CPPED1: variants seen among roughly 807,000 people sequenced by gnomAD.
The protein encoded by CPPED1 is serine/threonine-protein phosphatase CPPED1.
A neutral mutation model predicts 28.0 loss-of-function variants in CPPED1; 28 were observed. The observed-to-expected ratio is 1.00, with a 90% CI of 0.74 to 1.37. CPPED1 has a LOEUF of 1.37. CPPED1 is among the 40% of genes most tolerant of loss of function. CPPED1 has a pLI of 0.00. For synonymous variants in CPPED1, 198 were observed against 180.2 expected (o/e 1.10, Z -0.79); for missense variants, 504 against 416.5 (o/e 1.21, Z -1.83).
intron 2 of CPPED1, among the ~76,000 whole-genome samples, chr16:12,756,928 A>G (rs1182455876): frequency 7.2e-5 from 11 of 152,242 alleles, no homozygotes; most frequent in Admixed American, 6.5e-4. Flanking sequence ...AATGATGTCA[A>G]CAACTTTCCA....
chr16:12,776,010 C>T (rs562577516), intron 2 of CPPED1, among the ~76,000 whole-genome samples: 3 of 152,096 alleles, frequency 2.0e-5, no homozygotes, highest in Non-Finnish European at 4.4e-5. Flanking sequence ...AATATGCTAC[C>T]TTATATGGCA....
At chr16:12,720,250 T>C (rs1274761601) in intron 2 of CPPED1, 2 of 154,272 alleles carry the variant, frequency 1.3e-5, no homozygotes, top group Non-Finnish European at 1.5e-5. Flanking sequence ...ACCAGGCCTT[T>C]TTCAGCCTTG....
At chr16:12,748,917 TA>T (rs1334725057) in intron 2 of CPPED1, among the ~76,000 whole-genome samples, 1 of 150,372 alleles carries the variant, frequency 6.7e-6, no homozygotes, top group African/African-American at 2.5e-5. Flanking sequence ...GCATTATGTC[TA>T]AAAAAAATAC....
chr16:12,683,336 G>A (rs559331714), intron 3 of CPPED1, among the ~76,000 whole-genome samples: 14 of 152,166 alleles, frequency 9.2e-5, no homozygotes, highest in East Asian at 1.9e-4. Context: ...ATACATCTCC[G>A]GCTTCCACAA....
chr16:12,732,775 A>G (rs974625793), intron 2 of CPPED1, among the ~76,000 whole-genome samples: 55 of 152,350 alleles, frequency 3.6e-4, no homozygotes, highest in Non-Finnish European at 6.9e-4. Flanking sequence ...CTCACCTATC[A>G]TTCTATACCC....
At chr16:12,749,419 A>G (rs565822312) in intron 2 of CPPED1, among the ~76,000 whole-genome samples, 5 of 152,334 alleles carry the variant, frequency 3.3e-5, no homozygotes, top group African/African-American at 1.2e-4. Flanking sequence ...ATTCAGTCAC[A>G]TCTTCAGACT....
chr16:12,686,869 G>C (rs931514177), intron 3 of CPPED1, among the ~76,000 whole-genome samples: 1 of 152,032 alleles, frequency 6.6e-6, no homozygotes, highest in Non-Finnish European at 1.5e-5. Flanking sequence ...AAAATGTAAA[G>C]TGGCATAATT....
chr16:12,690,159 T>C (rs1194806279), intron 3 of CPPED1, among the ~76,000 whole-genome samples: 1 of 152,026 alleles, frequency 6.6e-6, no homozygotes, highest in East Asian at 1.9e-4. Context: ...CTTGAACTGG[T>C]GAGGGGCTGG....
At position 12,771,465 on chromosome 16, in the gene CPPED1, C is replaced by T. The variant is rs555926873; in HGVS notation, c.289+9720G>A. Among the ~76,000 whole-genome samples, 40 of 152,192 alleles carry T rather than the reference C, an allele frequency of 2.6e-4. 1 individual carries two copies. The highest frequency in any genetic ancestry group is 9.7e-4 in the African/African-American group (40 of 41,448). On this transcript the variant is annotated intron_variant, in intron 2 of 3. Transcript: ENST00000381774. ...CACTAAATGAAAGTACACACCAATACGGACACACAGACACACACACCCCCA... is the reference window on the plus strand; with the variant it reads ...CACTAAATGAAAGTACACACCAATATGGACACACAGACACACACACCCCCA...
At chr16:12,671,054 T>A (rs985503937) in intron 3 of CPPED1, among the ~76,000 whole-genome samples, 6 of 152,088 alleles carry the variant, frequency 3.9e-5, no homozygotes, top group Non-Finnish European at 5.9e-5. Flanking sequence ...TTTCACCATG[T>A]TGGCCAGGCT....
In CPPED1 at chr16:12,704,764, G is replaced by T. The variant is rs376562279; in HGVS notation, c.575C>A (p.Ala192Glu). ...DQWLDEQLSI[A>E]RQRHCQHAIV... ...GGCATGCTGGCAGTGCCGCTGCCTC[G>T]CGATGCTCAGCTGCTCGTCCAGCCA... Residue 192 changes from alanine (A) to glutamate (E), a missense_variant, in exon 3 of 4, where the codon GCG becomes GAG. Physicochemically the swap from Ala to Glu is moderately radical, Grantham distance 107. Coordinates refer to ENST00000381774, the MANE Select transcript of CPPED1 (RefSeq NM_018340.3). 6 of 1,614,176 alleles carry T rather than the reference G, an allele frequency of 3.7e-6. No homozygotes were observed. The South Asian group carries it at 5.5e-5, about 15-fold the overall frequency.
intron 3 of CPPED1, among the ~76,000 whole-genome samples, chr16:12,681,036 C>T (rs1638938667): frequency 6.6e-6 from 1 of 152,024 alleles, no homozygotes; most frequent in Admixed American, 6.6e-5. Flanking sequence ...AGCAATGGCC[C>T]AGTTGTCAAA....
Position 12,721,490 on chromosome 16 carries a change from C to T in CPPED1, c.290-16441G>A, listed in dbSNP as rs552883809. ...GGCCGGGGCTGGGCAGGATGGCTTA[C>T]GCCTGTAATGCCAGCACTTTGGGAG... On this transcript the variant is annotated intron_variant, in intron 2 of 3. Transcript: ENST00000381774. 4.6e-5 allele frequency among the ~76,000 whole-genome samples: 7 copies of T among 152,252 alleles called. No homozygotes were observed. The South Asian group carries it at 1.0e-3, about 23-fold the overall frequency.
chr16:12,769,820 T>TTGCACGCATAGAACTCCCTTTTTA (rs2080459808), intron 2 of CPPED1, among the ~76,000 whole-genome samples: 1 of 152,182 alleles, frequency 6.6e-6, no homozygotes, highest in Admixed American at 6.5e-5. Context: ...CATCACTCTC[T>TTGCACGCATAGAACTCCCTTTTTA]TGCACGCATA....
intron 1 of CPPED1, among the ~76,000 whole-genome samples, chr16:12,785,108 A>G (rs187702532): frequency 5.9e-5 from 9 of 152,272 alleles, no homozygotes; most frequent in Admixed American, 4.6e-4. Flanking sequence ...CTTTGGTCTC[A>G]TCGTAATTTC....
intron 3 of CPPED1, among the ~76,000 whole-genome samples, chr16:12,690,831 C>T (rs1201528936): frequency 6.6e-6 from 1 of 152,196 alleles, no homozygotes; most frequent in African/African-American, 2.4e-5. Context: ...ACCAAGTAGG[C>T]TCCACGGACC....
At chr16:12,665,772 A>T (rs893577546) in intron 3 of CPPED1, among the ~76,000 whole-genome samples, 2 of 152,180 alleles carry the variant, frequency 1.3e-5, no homozygotes, top group African/African-American at 2.4e-5. Context: ...AAAAAATACA[A>T]AAATTGGCTA....
At chr16:12,691,356 A>G (rs2079961837) in intron 3 of CPPED1, among the ~76,000 whole-genome samples, 1 of 152,144 alleles carries the variant, frequency 6.6e-6, no homozygotes, top group African/African-American at 2.4e-5. Context: ...GCTCACTGCA[A>G]CCTCTGCCTC....
At chr16:12,684,559 T>A (rs1213622015) in intron 3 of CPPED1, among the ~76,000 whole-genome samples, 1 of 152,224 alleles carries the variant, frequency 6.6e-6, no homozygotes, top group East Asian at 1.9e-4. Context: ...CAGGTCTGCC[T>A]GATGTGCACT....
Sources: allele counts gnomAD v4.1 joint callset (sites outside exome capture counted in the v4.1 genomes callset), GRCh38; gene constraint gnomAD v4.1.1; transcripts MANE v1.5; gene names NCBI Gene and HGNC (gene_info 2026-07-23, HGNC 2026-07-21).